The following SLC25A30 variants were observed in gnomAD, a reference collection of about 807,000 sequenced individuals.
The protein encoded by SLC25A30 is kidney mitochondrial carrier protein 1.
Under a neutral mutation model 42.7 loss-of-function variants are expected in SLC25A30, and 29 were observed. The observed-to-expected ratio is 0.68, with a 90% confidence interval of 0.51 to 0.93. The LOEUF (loss-of-function observed/expected upper bound fraction) is 0.93, where lower values mean the gene tolerates loss of function less well. SLC25A30 is among the 40% of genes least tolerant of loss of function. The probability of loss-of-function intolerance (pLI) is 0.00; values close to 1 mark genes in which losing one functional copy is unlikely to be tolerated. For missense variants in SLC25A30, 300 were observed against 359.7 expected (o/e 0.83, Z 1.34); for synonymous variants, 124 against 131.0 (o/e 0.95, Z 0.37).
At chr13:45,425,981 C>CCAAGCCCAGCCTTCTTTTTAACTTTTTT in the SLC25A30 span, among the ~76,000 whole-genome samples, 1 of 147,638 alleles carries the variant, frequency 6.8e-6, no homozygotes, top group Non-Finnish European at 1.5e-5. Flanking sequence ...GCATGAGCCA[C>CCAAGCCCAGCCTTCTTTTTAACTTTTTT]TTCGCCTGGT....
rs1406350091 is a variant in SLC25A30, at chr13:45,394,107, A to G, written c.*1867T>C. 8.9e-5 allele frequency: 88 copies of G among 985,266 alleles called. No individual in the cohort carries two copies. The highest frequency in any genetic ancestry group is 1.0e-4 in the Non-Finnish European group (86 of 829,930). The allele number at this position is 985,266 out of a possible 1,614,324, so 61.0% of individuals were successfully genotyped here. ...TGGAATGTTTTGGAAAGAAGAAAAAATCCTAAGGTGTAGTTTAGAACAAGC... is the reference window on the plus strand; with the variant it reads ...TGGAATGTTTTGGAAAGAAGAAAAAGTCCTAAGGTGTAGTTTAGAACAAGC... On this transcript the variant is annotated 3_prime_UTR_variant, in exon 10 of 10. Transcript: ENST00000519676.
At chr13:45,422,460 G>A (rs1273632270), upstream of SLC25A30, among the ~76,000 whole-genome samples, 1 of 152,116 alleles carries the variant, frequency 6.6e-6, no homozygotes, top group African/African-American at 2.4e-5. Flanking sequence ...CCTAGCTGGT[G>A]TACTGGGAAT....
chr13:45,411,743 G>A (rs944129756), intron 1 of SLC25A30: 17 of 377,542 alleles, frequency 4.5e-5, no homozygotes, highest in Admixed American at 2.2e-4. Context: ...CTTGGTATGC[G>A]TGTATGTATT....
chr13:45,423,388 C>T (rs1004956232), upstream of SLC25A30, among the ~76,000 whole-genome samples: 6 of 145,512 alleles, frequency 4.1e-5, no homozygotes, highest in Admixed American at 3.5e-4. Flanking sequence ...TTTTACGTTA[C>T]TCTCTGCATT....
chr13:45,397,075 C>T, intron 9 of SLC25A30, 183 bp downstream of exon 9: 1 of 569,658 alleles, frequency 1.8e-6, no homozygotes, highest in Non-Finnish European at 3.1e-6. Flanking sequence ...AAGCAAGATT[C>T]AGTGTCTAGC....
the SLC25A30 span, among the ~76,000 whole-genome samples, chr13:45,424,558 T>A: frequency 1.5e-4 from 10 of 66,954 alleles, no homozygotes; most frequent in African/African-American, 4.7e-4. Flanking sequence ...TATAAATATA[T>A]ATAAATGTAT....
At chr13:45,431,124 C>T in the SLC25A30 span, among the ~76,000 whole-genome samples, 232 of 152,130 alleles carry the variant, frequency 1.5e-3, 8 homozygotes, top group South Asian at 0.047. Flanking sequence ...CTTGGCTCAC[C>T]GCAACCTCTG....
At chr13:45,415,340 A>G (rs1302438521) in intron 1 of SLC25A30, among the ~76,000 whole-genome samples, 1 of 152,182 alleles carries the variant, frequency 6.6e-6, no homozygotes, top group Non-Finnish European at 1.5e-5. Context: ...CTTTGCAGAC[A>G]CTATCTTCCA....
chr13:45,424,152 T>TATATATCAATATATAA, the SLC25A30 span, among the ~76,000 whole-genome samples: 1 of 87,202 alleles, frequency 1.1e-5, no homozygotes, highest in African/African-American at 4.9e-5. Context: ...AATATAAGTA[T>TATATATCAATATATAA]ATATATAGAA....
intron 3 of SLC25A30, among the ~76,000 whole-genome samples, chr13:45,407,580 A>G (rs1372052958): frequency 6.6e-6 from 1 of 152,172 alleles, no homozygotes; most frequent in Non-Finnish European, 1.5e-5. Flanking sequence ...ATGAAAAATA[A>G]AATAAAAGAC....
chr13:45,427,369 A>G, the SLC25A30 span, among the ~76,000 whole-genome samples: 1 of 152,112 alleles, frequency 6.6e-6, no homozygotes, highest in Non-Finnish European at 1.5e-5. Context: ...CATTAACTGA[A>G]CTCATTGCAA....
At chr13:45,424,424 TG>T in the SLC25A30 span, among the ~76,000 whole-genome samples, 468 of 50,416 alleles carry the variant, frequency 9.3e-3, 17 homozygotes, top group African/African-American at 0.038. Flanking sequence ...TATAAATATA[TG>T]AATATATATA....
intron 7 of SLC25A30, 118 bp from the exon 8 acceptor site, chr13:45,399,196 G>GTGTTT (rs374329089): frequency 8.6e-5 from 98 of 1,144,426 alleles, no homozygotes; most frequent in African/African-American, 4.4e-4. Context: ...TGTGGTTTTC[G>GTGTTT]TGTTTTGTTT....
chr13:45,424,424 T>TAA, the SLC25A30 span, among the ~76,000 whole-genome samples: 1 of 50,492 alleles, frequency 2.0e-5, no homozygotes, highest in African/African-American at 8.6e-5. Flanking sequence ...TATAAATATA[T>TAA]GAATATATAT....
the SLC25A30 span, among the ~76,000 whole-genome samples, chr13:45,426,252 A>G: frequency 6.6e-6 from 1 of 151,184 alleles, no homozygotes; most frequent in African/African-American, 2.4e-5. Flanking sequence ...ACGCCCAGCT[A>G]ATTTTTGTGT....
At chr13:45,409,509 A>C (rs1882820780) in intron 2 of SLC25A30, among the ~76,000 whole-genome samples, 1 of 152,170 alleles carries the variant, frequency 6.6e-6, no homozygotes, top group Non-Finnish European at 1.5e-5. Flanking sequence ...AGAGTGTTTT[A>C]TAGTCTAAAA....
chr13:45,412,862 C>T (rs1883151820), intron 1 of SLC25A30, among the ~76,000 whole-genome samples: 1 of 152,166 alleles, frequency 6.6e-6, no homozygotes, highest in South Asian at 2.1e-4. Flanking sequence ...TAACAGGAGA[C>T]TCATATGACT....
chr13:45,420,743 C>G (rs534140172), upstream of SLC25A30, among the ~76,000 whole-genome samples: 1 of 152,202 alleles, frequency 6.6e-6, no homozygotes, highest in East Asian at 1.9e-4. Context: ...CTCTGTCACC[C>G]AGGCTGGAGT....
At chr13:45,416,467 A>C (rs1054844384) in intron 1 of SLC25A30, among the ~76,000 whole-genome samples, 2 of 152,012 alleles carry the variant, frequency 1.3e-5, no homozygotes, top group East Asian at 1.9e-4. Flanking sequence ...CAAAGTAAAA[A>C]AACAACAACA....
Sources: allele counts gnomAD v4.1 joint callset (sites outside exome capture counted in the v4.1 genomes callset), GRCh38; gene constraint gnomAD v4.1.1; transcripts MANE v1.5; gene names NCBI Gene and HGNC (gene_info 2026-07-23, HGNC 2026-07-21).